The following RPS9 variants were observed in gnomAD, a reference collection of about 807,000 sequenced individuals.
The protein encoded by RPS9 is ribosomal protein S9.
A neutral mutation model predicts 16.9 loss-of-function variants in RPS9; 1 was observed. The observed-to-expected ratio is 0.06, with a 90% CI of 0.02 to 0.28. The LOEUF (loss-of-function observed/expected upper bound fraction) is 0.28, where lower values mean the gene tolerates loss of function less well. RPS9 is among the 10% of genes least tolerant of loss of function. The probability of loss-of-function intolerance (pLI) is 1.00; values close to 1 mark genes in which losing one functional copy is unlikely to be tolerated. For missense variants in RPS9, 137 were observed against 273.2 expected (o/e 0.50, Z 3.51); for synonymous variants, 106 against 110.9 (o/e 0.96, Z 0.28).
Position 54,206,298 on chromosome 19 carries a change from G to A in RPS9, c.243G>A (p.Leu81=). Residue 81 remains leucine, a synonymous_variant, in exon 4 of 5, where the codon CTG becomes CTA. Coordinates refer to ENST00000302907, the MANE Select transcript of RPS9 (RefSeq NM_001013.4). ...CAGGCAACGCCCTGCTGCGGCGGCTGGTCCGCATTGGGGTGCTGGATGAGG... is the reference window on the plus strand; with the variant it reads ...CAGGCAACGCCCTGCTGCGGCGGCTAGTCCGCATTGGGGTGCTGGATGAGG... ...LFEGNALLRR[L]VRIGVLDEGK... is the part of the protein sequence containing the mutation. 6.2e-7 allele frequency: 1 copy of A among 1,613,542 alleles called. No individual in the cohort carries two copies. Among genetic ancestry groups the A allele is most frequent in the African/African-American group, 1.3e-5 (1 of 75,062 alleles).
chr19:54,202,664 A>G, intron 3 of RPS9: 4 of 985,448 alleles, frequency 4.1e-6, no homozygotes, highest in Non-Finnish European at 4.8e-6. Flanking sequence ...GATTGGCATG[A>G]CCAAGATTGG....
At chr19:54,203,266 AGTT>A (rs1244153412) in intron 3 of RPS9, 15 of 985,194 alleles carry the variant, frequency 1.5e-5, no homozygotes, top group Non-Finnish European at 1.8e-5. Context: ...AGGGGTACAC[AGTT>A]GTTCAGGTGA....
chr19:54,200,933 G>C, intron 1 of RPS9, 45 bp downstream of exon 1: 2 of 1,339,172 alleles, frequency 1.5e-6, no homozygotes, highest in Non-Finnish European at 1.9e-6. Context: ...TGGGTTGGAT[G>C]GTGGCCCGGG....
chr19:54,201,575 G>A lies in RPS9; in HGVS notation c.186G>A (p.Thr62=), dbSNP rs138297394. The change falls in exon 3 of 5, where the codon ACG becomes ACA. Residue 62 remains threonine (T), a synonymous_variant. Transcript: ENST00000302907. ...KIRKAARELL[T]LDEKDPRRLF... ...GCAAGGCCGCCCGGGAACTGCTGAC[G>A]CTTGATGAGAAGGACCCACGGCGTC... 3.1e-6 allele frequency: 5 copies of A among 1,614,028 alleles called. No individual in the cohort carries two copies. Among genetic ancestry groups the A allele is most frequent in the African/African-American group, 1.3e-5 (1 of 74,916 alleles).
intron 4 of RPS9, 61 bp from the exon 5 acceptor site, chr19:54,207,337 C>G (rs895286152): frequency 2.8e-6 from 4 of 1,416,464 alleles, no homozygotes; most frequent in East Asian, 4.6e-5. Context: ...AAGAGTGGTG[C>G]GGTAGCTGGG....
At chr19:54,206,183 C>A (rs1234098612) in intron 3 of RPS9, 93 bp from the exon 4 acceptor site, 9 of 1,297,038 alleles carry the variant, frequency 6.9e-6, no homozygotes, top group Non-Finnish European at 9.6e-6. Flanking sequence ...CTCACCGCCG[C>A]GGCATGGAGC....
intron 4 of RPS9, chr19:54,207,059 TAC>T (rs2077267834): frequency 2.2e-6 from 1 of 452,318 alleles, no homozygotes; most frequent in African/African-American, 2.0e-5. Flanking sequence ...CACGTGGTAA[TAC>T]AGCTCAGTGT....
At chr19:54,203,728 C>T (rs984687225) in intron 3 of RPS9, among the ~76,000 whole-genome samples, 8 of 151,760 alleles carry the variant, frequency 5.3e-5, no homozygotes, top group East Asian at 1.9e-4. Flanking sequence ...CCGAGATCCG[C>T]GGCACTGCAC....
Position 54,201,145 on chromosome 19 carries a change from TTC to T in RPS9, c.-25-10_-25-9del, listed in dbSNP as rs758237852. 17 of 1,612,300 alleles carry T rather than the reference TTC, an allele frequency of 1.1e-5. No individual in the cohort carries two copies. Among genetic ancestry groups the T allele is most frequent in the Non-Finnish European group, 1.3e-5 (15 of 1,179,858 alleles). On this transcript the variant is annotated splice_polypyrimidine_tract_variant and intron_variant, in intron 1 of 4. Transcript: ENST00000302907. ...CCGTTTGGATCCCTTACGCTCACAC[TTC>T]TCTCCCGCGCAGGCGCAGACGGGGA...
chr19:54,201,849 C>T (rs780249879), intron 3 of RPS9: 2 of 780,132 alleles, frequency 2.6e-6, no homozygotes, highest in South Asian at 2.2e-5. Context: ...ATGACCAGAG[C>T]TAAAGATAGG....
At chr19:54,207,007 A>G in intron 4 of RPS9, 2 of 429,460 alleles carry the variant, frequency 4.7e-6, no homozygotes, top group East Asian at 8.4e-5. Flanking sequence ...TTCGTCGGAG[A>G]CGTAGCCTCG....
Position 54,200,871 on chromosome 19 carries a change from A to C in RPS9, c.-43A>C. On this transcript the variant is annotated 5_prime_UTR_variant, in exon 1 of 5. Coordinates refer to ENST00000302907, the MANE Select transcript of RPS9 (RefSeq NM_001013.4). ...GCGCTTCCGCGCCTCTTTCTCAGTG[A>C]CCGGGTGGTTTGCTTAGGTGAGGTG... 1 of 1,093,776 alleles carries C rather than the reference A, an allele frequency of 9.1e-7. No homozygotes were observed. The allele number at this position is 1,093,776 out of a possible 1,614,324, so 67.8% of individuals were successfully genotyped here.
At chr19:54,206,191 A>G in intron 3 of RPS9, 85 bp from the exon 4 acceptor site, 1 of 1,378,618 alleles carries the variant, frequency 7.3e-7, no homozygotes, top group Non-Finnish European at 1.0e-6. Context: ...CGCGGCATGG[A>G]GCTACCAAGA....
intron 4 of RPS9, chr19:54,206,676 G>T: frequency 6.5e-7 from 1 of 1,537,734 alleles, no homozygotes. Context: ...TGCGGCTCTA[G>T]CCGTACACCT....
chr19:54,207,057 A>G (rs759328492), intron 4 of RPS9: 2 of 447,820 alleles, frequency 4.5e-6, no homozygotes, highest in East Asian at 3.9e-5. Context: ...TGCACGTGGT[A>G]ATACAGCTCA....
intron 3 of RPS9, among the ~76,000 whole-genome samples, chr19:54,203,594 G>C (rs1281549843): frequency 6.6e-6 from 1 of 152,130 alleles, no homozygotes; most frequent in Non-Finnish European, 1.5e-5. Flanking sequence ...CCAACGTGGT[G>C]AAATTCCATC....
chr19:54,206,565 A>G, intron 4 of RPS9, 103 bp downstream of exon 4: 1 of 1,560,776 alleles, frequency 6.4e-7, no homozygotes, highest in Non-Finnish European at 8.7e-7. Context: ...CTCGGAGGTG[A>G]TGGGTGTGAA....
intron 3 of RPS9, chr19:54,203,477 G>T: frequency 4.9e-6 from 1 of 203,710 alleles, no homozygotes; most frequent in Non-Finnish European, 8.7e-6. Flanking sequence ...ATAATCAACA[G>T]ATAGAGGCCA....
intron 3 of RPS9, 113 bp from the exon 4 acceptor site, chr19:54,206,163 C>T (rs1350949431): frequency 2.0e-6 from 2 of 1,021,850 alleles, no homozygotes; most frequent in Non-Finnish European, 2.8e-6. Flanking sequence ...TGGCGCTGTA[C>T]TACTTGTGCC....
Sources: allele counts gnomAD v4.1 joint callset (sites outside exome capture counted in the v4.1 genomes callset), GRCh38; gene constraint gnomAD v4.1.1; transcripts MANE v1.5; gene names NCBI Gene and HGNC (gene_info 2026-07-23, HGNC 2026-07-21).